The following GLIS1 variants were observed in gnomAD, a reference collection of about 807,000 sequenced individuals.
GLIS1 encodes zinc finger protein GLIS1.
In GLIS1, 24 loss-of-function variants were observed where a neutral mutation model predicts 63.8. That is an observed-to-expected ratio of 0.38 (90% CI 0.27 to 0.53). The LOEUF (loss-of-function observed/expected upper bound fraction) is 0.53. GLIS1 is among the 20% of genes least tolerant of loss of function. The pLI, the probability that GLIS1 is intolerant of heterozygous loss-of-function variation, is 0.85. For missense variants in GLIS1, 1,036 were observed against 1,074.1 expected, an observed-to-expected ratio of 0.96 and a Z score of 0.50; for synonymous variants, 450 against 482.5, an observed-to-expected ratio of 0.93 and a Z score of 0.88.
chr1:53,719,373 C>T (rs537685987), intron 2 of GLIS1, among the ~76,000 whole-genome samples: 2 of 152,274 alleles, frequency 1.3e-5, no homozygotes, highest in African/African-American at 4.8e-5. Flanking sequence ...GGGCAGAAAA[C>T]GTCAGCTTCT....
chr1:53,669,227 T>C (rs1646126643), intron 2 of GLIS1, among the ~76,000 whole-genome samples: 1 of 152,132 alleles, frequency 6.6e-6, no homozygotes, highest in African/African-American at 2.4e-5. Context: ...TAGAGGAGTT[T>C]CCAGGTGAGA....
rs1240892543 is a variant in GLIS1 at position 53,712,119 on chromosome 1, A to T, written c.259+25687T>A. Among the ~76,000 whole-genome samples, 6 of 152,296 alleles carry T rather than the reference A, an allele frequency of 3.9e-5. No homozygotes were observed. In the East Asian group the frequency reaches 9.6e-4, roughly 24 times the overall value. On this transcript the variant is annotated intron_variant, in intron 2 of 10. Transcript: ENST00000628545. Reference sequence around the variant, plus strand: ...TTGAGTCCAGTTTTCATTCTGGCCCATCTCTGCTCTGGCAACACCAAATTC... The same window carrying T: ...TTGAGTCCAGTTTTCATTCTGGCCCTTCTCTGCTCTGGCAACACCAAATTC...
intron 2 of GLIS1, among the ~76,000 whole-genome samples, chr1:53,618,064 T>C (rs1412997501): frequency 2.0e-5 from 3 of 152,166 alleles, no homozygotes; most frequent in Non-Finnish European, 4.4e-5. Flanking sequence ...GGGCACAAGG[T>C]GGGAGAGTGC....
In GLIS1 at chr1:53,520,670, T is replaced by C. The variant is rs1401213341; in HGVS notation, c.1690A>G (p.Lys564Glu). Residue 564 changes from lysine (K) to glutamate (E), a missense_variant, in exon 7 of 11, where the codon AAG becomes GAG. Lys to Glu is a moderately conservative substitution (Grantham distance 56). Around this residue, in one of 3 missense-constraint regions of GLIS1, gnomAD observed 400 missense variants for 400.9 expected, o/e 1.00. Coordinates refer to ENST00000628545, the MANE Select transcript of GLIS1 (RefSeq NM_001367484.1). Reference sequence around the variant, plus strand: ...TCCTGGCCCAGGCCACAGCCACCCTTGCCGTCGCTGGCAGCCAGCTGTGTG... The same window carrying C: ...TCCTGGCCCAGGCCACAGCCACCCTCGCCGTCGCTGGCAGCCAGCTGTGTG... ...TSTQLAASDG[K>E]GGCGLGQELL... 1 of 1,610,782 alleles carries C rather than the reference T, an allele frequency of 6.2e-7. No individual in the cohort carries two copies. The highest frequency in any genetic ancestry group is 1.3e-5 in the African/African-American group (1 of 75,026).
intron 3 of GLIS1, among the ~76,000 whole-genome samples, chr1:53,595,320 A>G (rs1443422609): frequency 6.6e-6 from 1 of 152,126 alleles, no homozygotes; most frequent in Non-Finnish European, 1.5e-5. Flanking sequence ...AGTGTTCACG[A>G]CCAGCTTGGG....
intron 4 of GLIS1, among the ~76,000 whole-genome samples, chr1:53,541,941 C>T (rs1423704960): frequency 6.6e-6 from 1 of 152,250 alleles, no homozygotes; most frequent in Non-Finnish European, 1.5e-5. Flanking sequence ...ACAGCTCCTC[C>T]TGTGGCCAGT....
At chr1:53,641,058 G>A (rs1357903289) in intron 2 of GLIS1, among the ~76,000 whole-genome samples, 1 of 152,148 alleles carries the variant, frequency 6.6e-6, no homozygotes, top group Non-Finnish European at 1.5e-5. Flanking sequence ...ATGTAGAAAA[G>A]GGCCCATACT....
intron 5 of GLIS1, among the ~76,000 whole-genome samples, chr1:53,525,671 G>A (rs1644460567): frequency 6.6e-6 from 1 of 151,676 alleles, no homozygotes. Context: ...CAGAGGGGAA[G>A]GTCTTTCTCA....
At chr1:53,514,546 G>A in intron 8 of GLIS1, 79 bp downstream of exon 8, 1 of 1,422,816 alleles carries the variant, frequency 7.0e-7, no homozygotes, top group Non-Finnish European at 9.8e-7. Context: ...GATAGATAGT[G>A]CGGGACACCT....
intron 2 of GLIS1, among the ~76,000 whole-genome samples, chr1:53,687,469 G>A (rs1487890233): frequency 2.6e-5 from 4 of 152,204 alleles, no homozygotes; most frequent in South Asian, 2.1e-4. Context: ...GTCAGGCCTC[G>A]CACAGTTGAG....
At chr1:53,715,893 T>C (rs529558905) in intron 2 of GLIS1, among the ~76,000 whole-genome samples, 3 of 151,840 alleles carry the variant, frequency 2.0e-5, no homozygotes, top group Admixed American at 6.6e-5. Flanking sequence ...AATGGGGCGG[T>C]GGCAGGAGGG....
chr1:53,554,160 C>T (rs148319565), intron 4 of GLIS1, among the ~76,000 whole-genome samples: 17 of 152,328 alleles, frequency 1.1e-4, no homozygotes, highest in African/African-American at 4.1e-4. Context: ...CCTTCTGTCA[C>T]CTGGCCCTCA....
chr1:53,676,853 G>A (rs1055426831), intron 2 of GLIS1, among the ~76,000 whole-genome samples: 2 of 152,144 alleles, frequency 1.3e-5, no homozygotes, highest in African/African-American at 2.4e-5. Flanking sequence ...ATACCCCCTT[G>A]AATTTATTAT....
At chr1:53,688,800 G>C (rs1248214660) in intron 2 of GLIS1, 1 of 152,156 alleles carries the variant, frequency 6.6e-6, no homozygotes, top group Non-Finnish European at 1.5e-5. Context: ...ATTCTAAAAG[G>C]GCTGCACCAC....
intron 2 of GLIS1, among the ~76,000 whole-genome samples, chr1:53,645,416 G>T (rs1645833909): frequency 1.3e-5 from 2 of 152,122 alleles, no homozygotes; most frequent in Non-Finnish European, 2.9e-5. Flanking sequence ...GAAGATGTTG[G>T]TCTATTGTAG....
intron 3 of GLIS1, among the ~76,000 whole-genome samples, chr1:53,596,381 C>T (rs1461358344): frequency 1.3e-5 from 2 of 152,126 alleles, no homozygotes; most frequent in African/African-American, 2.4e-5. Context: ...AGTTAGGACA[C>T]CCCCCTGGCT....
At chr1:53,602,957 C>T (rs1010209232) in intron 2 of GLIS1, among the ~76,000 whole-genome samples, 16 of 152,258 alleles carry the variant, frequency 1.1e-4, no homozygotes, top group Middle Eastern at 3.4e-3. Flanking sequence ...AGGGTAAGCC[C>T]GCTCCATCGA....
intron 2 of GLIS1, among the ~76,000 whole-genome samples, chr1:53,642,518 A>G (rs1645798372): frequency 6.6e-6 from 1 of 152,188 alleles, no homozygotes. Context: ...AAGACTTTAC[A>G]GAAGGTTTGT....
chr1:53,701,974 C>T (rs1255073376), intron 2 of GLIS1, among the ~76,000 whole-genome samples: 1 of 127,926 alleles, frequency 7.8e-6, no homozygotes, highest in Non-Finnish European at 1.6e-5. Flanking sequence ...GCCTGGGTGA[C>T]AGAGCAAGGC....
Sources: gnomAD v4.1 joint callset for allele counts (sites outside exome capture counted in the v4.1 genomes callset) on GRCh38, gnomAD v4.1.1 for gene constraint, gnomAD v4.1.1 regional missense constraint, MANE v1.5 for transcripts, NCBI Gene and HGNC (gene_info 2026-07-23, HGNC 2026-07-21) for gene names.